The following ZZZ3 variants were observed in gnomAD, a reference collection of about 807,000 sequenced individuals.
ZZZ3 encodes ZZ-type zinc finger-containing protein 3.
A neutral mutation model predicts 95.2 loss-of-function variants in ZZZ3; 22 were observed. The observed-to-expected ratio is 0.23, with a 90% confidence interval of 0.17 to 0.33. ZZZ3 has a LOEUF of 0.33. Ranked by LOEUF, ZZZ3 falls within the 10% of genes least tolerant of loss-of-function variation. The pLI is 1.00. For synonymous variants in ZZZ3, 335 were observed against 358.9 expected (o/e 0.93, Z 0.75); for missense variants, 885 against 1,066.5 (o/e 0.83, Z 2.37).
At chr1:77,566,251 A>C in intron 13 of ZZZ3, 70 bp from the exon 14 acceptor site, 1 of 1,096,450 alleles carries the variant, frequency 9.1e-7, no homozygotes, top group Non-Finnish European at 1.3e-6. Context: ...TTCCACAAGG[A>C]AACACATGAT....
At position 77,598,130 on chromosome 1, in the gene ZZZ3, G is replaced by A. The variant is rs146012452; in HGVS notation, c.1506-13475C>T. Among the ~76,000 whole-genome samples the A allele has an allele frequency of 5.9e-5, 9 of 152,120 alleles. No homozygotes were observed. The East Asian group carries it at 7.7e-4, about 13-fold the overall frequency. On this transcript the variant is annotated intron_variant, in intron 5 of 14. Transcript: ENST00000370801. ...GCAGTCTAAAATACTTTTGACTCCC[G>A]AAAACTTAACTACTAAGACTACTGT...
chr1:77,670,626 A>T (rs1671688783), intron 1 of ZZZ3, among the ~76,000 whole-genome samples: 2 of 152,072 alleles, frequency 1.3e-5, no homozygotes, highest in African/African-American at 4.8e-5. Context: ...TTACACACAA[A>T]AACAAAATCT....
intron 1 of ZZZ3, among the ~76,000 whole-genome samples, chr1:77,672,541 C>CA (rs758095183): frequency 1.8e-4 from 27 of 152,184 alleles, no homozygotes; most frequent in Non-Finnish European, 2.1e-4. Flanking sequence ...TAGTGCTACT[C>CA]AAAGTGTGGT....
At chr1:77,570,329 T>G (rs1355963425) in intron 12 of ZZZ3, among the ~76,000 whole-genome samples, 2 of 152,202 alleles carry the variant, frequency 1.3e-5, no homozygotes, top group African/African-American at 4.8e-5. Flanking sequence ...GGTCTCGATC[T>G]CCTGACCTCG....
At chr1:77,586,337 G>A (rs892670009) in intron 5 of ZZZ3, among the ~76,000 whole-genome samples, 5 of 152,082 alleles carry the variant, frequency 3.3e-5, no homozygotes, top group African/African-American at 1.2e-4. Context: ...TACACACTTC[G>A]GTATCACTTT....
At chr1:77,613,036 A>G (rs1247585167) in intron 5 of ZZZ3, among the ~76,000 whole-genome samples, 1 of 151,816 alleles carries the variant, frequency 6.6e-6, no homozygotes, top group African/African-American at 2.4e-5. Flanking sequence ...CCTATAACAT[A>G]TTACTAACTT....
At chr1:77,613,722 T>A (rs1454850954) in intron 5 of ZZZ3, among the ~76,000 whole-genome samples, 1 of 152,130 alleles carries the variant, frequency 6.6e-6, no homozygotes, top group Non-Finnish European at 1.5e-5. Context: ...ACCTTCTCCA[T>A]TCCCTGCCAC....
intron 1 of ZZZ3, among the ~76,000 whole-genome samples, chr1:77,646,437 A>G (rs1669283878): frequency 6.6e-6 from 1 of 151,980 alleles, no homozygotes; most frequent in South Asian, 2.1e-4. Context: ...TGCCCAGGCT[A>G]GTCCTGAACT....
At chr1:77,621,745 A>C (rs1666888489) in intron 5 of ZZZ3, among the ~76,000 whole-genome samples, 1 of 151,902 alleles carries the variant, frequency 6.6e-6, no homozygotes, top group African/African-American at 2.4e-5. Flanking sequence ...TGTGCCCAGG[A>C]AATCGAGGCT....
intron 1 of ZZZ3, among the ~76,000 whole-genome samples, chr1:77,645,786 C>T (rs867769415): frequency 1.3e-5 from 2 of 151,910 alleles, no homozygotes; most frequent in Non-Finnish European, 2.9e-5. Context: ...GCCTGGCAAA[C>T]GTGATGAAAC....
chr1:77,642,868 A>G (rs1468809446), intron 1 of ZZZ3, among the ~76,000 whole-genome samples: 1 of 152,240 alleles, frequency 6.6e-6, no homozygotes, highest in Admixed American at 6.5e-5. Context: ...TTCATTAACA[A>G]TAGAGCGATT....
chr1:77,593,478 G>T (rs1663920011), intron 5 of ZZZ3, among the ~76,000 whole-genome samples: 1 of 152,088 alleles, frequency 6.6e-6, no homozygotes, highest in Admixed American at 6.5e-5. Context: ...AAACTTTATT[G>T]TTAAAAGGAT....
At chr1:77,590,659 C>A (rs1321393119) in intron 5 of ZZZ3, among the ~76,000 whole-genome samples, 1 of 152,190 alleles carries the variant, frequency 6.6e-6, no homozygotes, top group Non-Finnish European at 1.5e-5. Flanking sequence ...GGGGGTTAAA[C>A]AGCTATAAAG....
Position 77,619,179 on chromosome 1 carries a change from TAC to T in ZZZ3, c.1505+12669_1505+12670del, listed in dbSNP as rs542650399. ...AAATGTTTACCTCTTATTCTAGTATTACAAATACATAAAAGTTTCATATAACA... is the reference window on the plus strand; with the variant it reads ...AAATGTTTACCTCTTATTCTAGTATTAAATACATAAAAGTTTCATATAACA... On this transcript the variant is annotated intron_variant, in intron 5 of 14. Transcript: ENST00000370801. Among the ~76,000 whole-genome samples the T allele has an allele frequency of 9.2e-5, 14 of 152,248 alleles. No homozygotes were observed. The East Asian group carries it at 2.3e-3, about 25-fold the overall frequency.
chr1:77,619,552 T>A lies in ZZZ3; in HGVS notation c.1505+12298A>T, dbSNP rs1159237248. ...CTTCTAATGCCTACTGGCAAAACTC[T>A]AGATTGTAAAATTGTATTTACAATC... On this transcript the variant is annotated intron_variant, in intron 5 of 14. Coordinates refer to ENST00000370801, the MANE Select transcript of ZZZ3 (RefSeq NM_015534.6). Among the ~76,000 whole-genome samples, 9 of 152,316 alleles carry A rather than the reference T, an allele frequency of 5.9e-5. No homozygotes were observed. The East Asian group carries it at 1.7e-3, about 29-fold the overall frequency.
rs1462318947 is a variant in ZZZ3, at chr1:77,576,050, T to C, written c.2331+18A>G. On this transcript the variant is annotated intron_variant, in intron 12 of 14. Coordinates refer to ENST00000370801, the MANE Select transcript of ZZZ3 (RefSeq NM_015534.6). ...TCTATACCTTGATGTATATAACAACTTGATGTGTATAACTTACTGATGCAT... is the reference window on the plus strand; with the variant it reads ...TCTATACCTTGATGTATATAACAACCTGATGTGTATAACTTACTGATGCAT... 6.3e-7 allele frequency: 1 copy of C among 1,584,478 alleles called. No homozygotes were observed. The highest frequency in any genetic ancestry group is 8.6e-7 in the Non-Finnish European group (1 of 1,168,900).
intron 11 of ZZZ3, among the ~76,000 whole-genome samples, chr1:77,576,706 C>CG (rs527818893): frequency 1.4e-4 from 21 of 151,688 alleles, no homozygotes; most frequent in African/African-American, 5.1e-4. Context: ...TTGGCTTCCC[C>CG]GGGCTACATT....
intron 12 of ZZZ3, among the ~76,000 whole-genome samples, chr1:77,574,104 C>CTATAGA (rs1353789115): frequency 1.4e-5 from 2 of 146,216 alleles, no homozygotes; most frequent in African/African-American, 5.0e-5. Context: ...ATATATATAT[C>CTATAGA]TATAGATATA....
chr1:77,623,768 T>C (rs1016745232), intron 5 of ZZZ3, among the ~76,000 whole-genome samples: 5 of 152,174 alleles, frequency 3.3e-5, no homozygotes, highest in African/African-American at 1.2e-4. Context: ...ACAGAAAATC[T>C]TGCCTGAGAG....
Sources: gnomAD v4.1 joint callset for allele counts (sites outside exome capture counted in the v4.1 genomes callset) on GRCh38, gnomAD v4.1.1 for gene constraint, MANE v1.5 for transcripts, NCBI Gene and HGNC (gene_info 2026-07-23, HGNC 2026-07-21) for gene names.